Variants in FBXO32 observed in about 807,000 individuals in gnomAD.
FBXO32 encodes F-box protein 32.
In FBXO32, 15 loss-of-function variants were observed where a neutral mutation model predicts 48.3. The observed-to-expected ratio is 0.31, with a 90% CI of 0.21 to 0.48. The LOEUF (loss-of-function observed/expected upper bound fraction) is 0.48, where lower values mean the gene tolerates loss of function less well. FBXO32 is among the 20% of genes least tolerant of loss of function. The probability of loss-of-function intolerance (pLI) is 0.99; values close to 1 mark genes in which losing one functional copy is unlikely to be tolerated. For missense variants in FBXO32, 309 were observed against 432.7 expected (o/e 0.71, Z 2.54); for synonymous variants, 154 against 165.9 (o/e 0.93, Z 0.55).
chr8:123,534,636 C>T, intron 2 of FBXO32, 66 bp downstream of exon 2: 2 of 999,858 alleles, frequency 2.0e-6, no homozygotes, highest in Non-Finnish European at 3.1e-6. Flanking sequence ...TATTTTTTTT[C>T]ATCCAAGAAC....
intron 8 of FBXO32, among the ~76,000 whole-genome samples, chr8:123,504,313 TATGTGTTTCC>T (rs2130497108): frequency 6.6e-6 from 1 of 151,372 alleles, no homozygotes; most frequent in Non-Finnish European, 1.5e-5. Context: ...AACTAAAAGC[TATGTGTTTCC>T]ATGTGTAAGT....
Position 123,519,063 on chromosome 8 carries a change from G to A in FBXO32, c.373-4730C>T, listed in dbSNP as rs138872759. 4.4e-3 allele frequency among the ~76,000 whole-genome samples: 665 copies of A among 152,240 alleles called. 5 individuals are homozygous for A. Among genetic ancestry groups the A allele is most frequent in the African/African-American group, 0.015 (633 of 41,546 alleles). On this transcript the variant is annotated intron_variant, in intron 4 of 8. Coordinates refer to ENST00000517956, the MANE Select transcript of FBXO32 (RefSeq NM_058229.4). ...TGGCCTCGAACTTGTGGGATCAAGC[G>A]ATCCTCGTGTTTCAGCCTCGCAAAG...
chr8:123,523,169 G>A (rs925403394), intron 4 of FBXO32, among the ~76,000 whole-genome samples: 2 of 152,104 alleles, frequency 1.3e-5, no homozygotes, highest in Admixed American at 6.6e-5. Context: ...ATACTCTTGG[G>A]AGCATCCCTC....
chr8:123,508,346 G>A (rs537834917), intron 6 of FBXO32, among the ~76,000 whole-genome samples: 1 of 152,282 alleles, frequency 6.6e-6, no homozygotes, highest in East Asian at 1.9e-4. Context: ...GAGGTGGGGA[G>A]GGAGCAGTGG....
intron 7 of FBXO32, among the ~76,000 whole-genome samples, chr8:123,505,937 G>C (rs538486486): frequency 6.6e-6 from 1 of 151,966 alleles, no homozygotes; most frequent in Non-Finnish European, 1.5e-5. Flanking sequence ...TAAAAACTCA[G>C]ACAGGGTGGG....
intron 4 of FBXO32, among the ~76,000 whole-genome samples, chr8:123,517,976 G>A (rs1156552847): frequency 6.6e-6 from 1 of 152,142 alleles, no homozygotes; most frequent in South Asian, 2.1e-4. Flanking sequence ...TGGGCCACGT[G>A]GTCTCTGTAG....
Position 123,506,416 on chromosome 8 carries a change from G to A in FBXO32, c.810C>T (p.Cys270=). ...CCTGCCGCTCGGAGAAGTGGTACTG[G>A]CAGAGTTTCTTCCACAGCAGCCGGT... ...SEDRLLWKKL[C]QYHFSERQIR... The change falls in exon 7 of 9, where the codon TGC becomes TGT. Residue 270 remains cysteine (C), a synonymous_variant. Transcript: ENST00000517956. This position sits in a 1 kb window ranked among gnomAD's most constrained non-coding sequence, Gnocchi z 4.0. The A allele has an allele frequency of 1.9e-6, 3 of 1,614,082 alleles. No individual in the cohort carries two copies. The highest frequency in any genetic ancestry group is 2.5e-6 in the Non-Finnish European group (3 of 1,180,012).
In FBXO32 at chr8:123,503,287, A is replaced by G. The variant is rs544045050; in HGVS notation, c.*86T>C. On this transcript the variant is annotated 3_prime_UTR_variant, in exon 9 of 9. Coordinates refer to ENST00000517956, the MANE Select transcript of FBXO32 (RefSeq NM_058229.4). ...CGAGCCAATGTTTAAAATGTACACTATTTACAAATGAAGTGTCCAAATGCC... is the reference window on the plus strand; with the variant it reads ...CGAGCCAATGTTTAAAATGTACACTGTTTACAAATGAAGTGTCCAAATGCC... 2.8e-3 allele frequency: 3,092 copies of G among 1,100,112 alleles called. 50 individuals carry two copies. Among genetic ancestry groups the G allele is most frequent in the South Asian group, 0.026 (1,869 of 72,542 alleles). The allele number at this position is 1,100,112 out of a possible 1,614,324, so 68.1% of individuals were successfully genotyped here.
chr8:123,512,058 G>A (rs1816745702), intron 6 of FBXO32, among the ~76,000 whole-genome samples: 1 of 152,052 alleles, frequency 6.6e-6, no homozygotes, highest in Non-Finnish European at 1.5e-5. Flanking sequence ...GAATAAATCA[G>A]GTAAATGTTC....
In FBXO32 at chr8:123,506,302, C is replaced by G. The variant is rs1474091270; in HGVS notation, c.834+90G>C. 2 of 1,415,908 alleles carry G rather than the reference C, an allele frequency of 1.4e-6. No homozygotes were observed. The highest frequency in any genetic ancestry group is 4.8e-5 in the East Asian group (2 of 41,580). 87.7% of individuals were successfully genotyped at this position (1,415,908 alleles called of 1,614,324 possible). ...CAGGGAACCTGGAATAGGGGGAACC[C>G]AGACCTCAGGCTTGAGCAGGGCACC... On this transcript the variant is annotated intron_variant, in intron 7 of 8. Coordinates refer to ENST00000517956, the MANE Select transcript of FBXO32 (RefSeq NM_058229.4). The surrounding 1 kb of genome is among the most constrained non-coding windows in gnomAD (Gnocchi z 4.0).
At chr8:123,509,702 A>AAAAC (rs141509717) in intron 6 of FBXO32, among the ~76,000 whole-genome samples, 16,381 of 151,628 alleles carry the variant, frequency 0.11, 974 homozygotes, top group African/African-American at 0.13. Flanking sequence ...CCCTATCTCA[A>AAAAC]AAACAAACAA....
intron 6 of FBXO32, among the ~76,000 whole-genome samples, chr8:123,512,763 G>A (rs372656311): frequency 1.3e-5 from 2 of 152,032 alleles, no homozygotes; most frequent in East Asian, 1.9e-4. Flanking sequence ...ACCAATAATC[G>A]GAACTAGGAT....
chr8:123,515,085 A>G (rs532148548), intron 4 of FBXO32, among the ~76,000 whole-genome samples: 83 of 152,200 alleles, frequency 5.5e-4, no homozygotes, highest in Non-Finnish European at 9.6e-4. Context: ...TATACTAATA[A>G]TATTTAGAGT....
chr8:123,523,575 T>G (rs2130537951), intron 4 of FBXO32, among the ~76,000 whole-genome samples: 1 of 149,242 alleles, frequency 6.7e-6, no homozygotes, highest in African/African-American at 2.5e-5. Context: ...GGTGACAGGG[T>G]GAGACTCCGT....
intron 4 of FBXO32, among the ~76,000 whole-genome samples, chr8:123,521,355 T>TG (rs1213484979): frequency 6.6e-6 from 1 of 152,214 alleles, no homozygotes; most frequent in African/African-American, 2.4e-5. Flanking sequence ...ATAGATGAGG[T>TG]GGCTCATGAT....
At chr8:123,528,820 G>C (rs1237153094) in intron 4 of FBXO32, among the ~76,000 whole-genome samples, 1 of 152,128 alleles carries the variant, frequency 6.6e-6, no homozygotes, top group Non-Finnish European at 1.5e-5. Flanking sequence ...TGGCTCTCAA[G>C]GCTTTGAATG....
intron 1 of FBXO32, among the ~76,000 whole-genome samples, chr8:123,539,284 G>C (rs558230226): frequency 6.6e-6 from 1 of 152,268 alleles, no homozygotes; most frequent in South Asian, 2.1e-4. Flanking sequence ...GAAAGAACCT[G>C]AACTTGTATA....
rs915848476 is a variant in FBXO32 at position 123,500,473 on chromosome 8, G to C, written c.*2900C>G. 1.3e-5 allele frequency: 2 copies of C among 152,190 alleles called. No individual in the cohort carries two copies. The highest frequency in any genetic ancestry group is 2.9e-5 in the Non-Finnish European group (2 of 68,036). The allele number at this position is 152,190 out of a possible 1,614,324, so 9.4% of individuals were successfully genotyped here. A position where few individuals can be genotyped will look rare whatever the true frequency, so the allele number is the denominator to read the frequency against. ...ATTATCATGCCCCTTCTAGCTTTTA[G>C]ACCAGCAGTTCTGAGACAGGGATTA... On this transcript the variant is annotated 3_prime_UTR_variant, in exon 9 of 9. Coordinates refer to ENST00000517956, the MANE Select transcript of FBXO32 (RefSeq NM_058229.4).
chr8:123,537,887 A>G (rs1817339623), intron 1 of FBXO32, among the ~76,000 whole-genome samples: 1 of 152,126 alleles, frequency 6.6e-6, no homozygotes, highest in Non-Finnish European at 1.5e-5. Flanking sequence ...AAAGAGTGGC[A>G]GAGGCTCAGA....
Sources: gnomAD v4.1 joint callset for allele counts (sites outside exome capture counted in the v4.1 genomes callset) on GRCh38, gnomAD v4.1.1 for gene constraint, Gnocchi (gnomAD v3.1) non-coding constraint, MANE v1.5 for transcripts, NCBI Gene and HGNC (gene_info 2026-07-23, HGNC 2026-07-21) for gene names.